The following PDZD2 variants were observed in gnomAD, a reference collection of about 807,000 sequenced individuals.
The protein encoded by PDZD2 is PDZ domain-containing protein 2.
Under a neutral mutation model 220.7 loss-of-function variants are expected in PDZD2, and 90 were observed. That is an observed-to-expected ratio of 0.41 (90% CI 0.34 to 0.49). PDZD2 has a LOEUF of 0.49. Ranked by LOEUF, PDZD2 falls within the 20% of genes least tolerant of loss-of-function variation. PDZD2 has a pLI of 0.28. For synonymous variants in PDZD2, 1,375 were observed against 1,450.5 expected (o/e 0.95, Z 1.18); for missense variants, 3,174 against 3,608.5 (o/e 0.88, Z 3.08).
Position 32,052,692 on chromosome 5 carries a change from G to A in PDZD2, c.1747G>A (p.Val583Ile), listed in dbSNP as rs749478209. The A allele has an allele frequency of 3.7e-6, 6 of 1,613,850 alleles. No homozygotes were observed. Among genetic ancestry groups the A allele is most frequent in the Middle Eastern group, 1.6e-4 (1 of 6,062 alleles). ...TCCTTGGAGGCTCATTCGGCCATCCGTCATCTCGATCATTGGGTTGTACAA... is the reference window on the plus strand; with the variant it reads ...TCCTTGGAGGCTCATTCGGCCATCCATCATCTCGATCATTGGGTTGTACAA... ...ESPWRLIRPS[V>I]ISIIGLYKEK... is the part of the protein sequence containing the mutation. The change falls in exon 9 of 25, where the codon GTC becomes ATC. Residue 583 changes from valine to isoleucine, a missense_variant. Physicochemically the swap from Val to Ile is conservative, Grantham distance 29 (BLOSUM62 3). Coordinates refer to ENST00000438447, the MANE Select transcript of PDZD2 (RefSeq NM_178140.4).
chr5:32,092,126 T>C (rs1002724826), intron 20 of PDZD2, among the ~76,000 whole-genome samples: 1 of 148,064 alleles, frequency 6.8e-6, no homozygotes, highest in Admixed American at 6.8e-5. Context: ...ATACAAAAAT[T>C]AGCTGGGGAT....
chr5:31,773,120 G>C (rs939912601), intron 1 of PDZD2, among the ~76,000 whole-genome samples: 2 of 152,172 alleles, frequency 1.3e-5, no homozygotes, highest in East Asian at 1.9e-4. Flanking sequence ...GTCAAAAGTC[G>C]TTGGTACAGG....
chr5:32,012,375 T>A (rs570884391), intron 6 of PDZD2, among the ~76,000 whole-genome samples: 7 of 152,228 alleles, frequency 4.6e-5, no homozygotes, highest in East Asian at 3.9e-4. Context: ...GCATATTTTT[T>A]AAAAAATTAT....
chr5:31,671,737 A>G (rs1189761343), intron 1 of PDZD2, among the ~76,000 whole-genome samples: 1 of 152,210 alleles, frequency 6.6e-6, no homozygotes, highest in Non-Finnish European at 1.5e-5. Context: ...AATTCGAGAA[A>G]CCAGAAAGCC....
chr5:31,899,953 A>G (rs13436325), intron 2 of PDZD2, among the ~76,000 whole-genome samples: 3,665 of 152,308 alleles, frequency 0.024, 161 homozygotes, highest in African/African-American at 0.083. Flanking sequence ...TAAGCCACCT[A>G]GTTTATAGTG....
chr5:31,815,150 C>T (rs1255445770), intron 2 of PDZD2, among the ~76,000 whole-genome samples: 2 of 146,260 alleles, frequency 1.4e-5, no homozygotes, highest in Admixed American at 7.1e-5. Flanking sequence ...GAGGCTGAGG[C>T]GAGAGAATCA....
At chr5:31,829,811 C>T (rs760872863) in intron 2 of PDZD2, among the ~76,000 whole-genome samples, 7 of 151,988 alleles carry the variant, frequency 4.6e-5, no homozygotes, top group East Asian at 2.0e-4. Context: ...CCAGCACTTT[C>T]GGAAGCCAAG....
intron 1 of PDZD2, among the ~76,000 whole-genome samples, chr5:31,716,208 A>C (rs1356808277): frequency 6.6e-6 from 1 of 152,144 alleles, no homozygotes; most frequent in Non-Finnish European, 1.5e-5. Flanking sequence ...GGAAGGAATG[A>C]GTTGTTAATT....
chr5:31,803,422 A>C (rs753655097), intron 2 of PDZD2, among the ~76,000 whole-genome samples: 1 of 151,582 alleles, frequency 6.6e-6, no homozygotes, highest in Non-Finnish European at 1.5e-5. Flanking sequence ...GGCTTTATTG[A>C]GGTTTTCATG....
At position 32,003,172 on chromosome 5, in the gene PDZD2, C is replaced by T. The variant is rs1276684907; in HGVS notation, c.1254+2901C>T. Reference sequence around the variant, plus strand: ...ACACACCACCAACACACACACCACACACCATACACCACACACACACTACAC... The same window carrying T: ...ACACACCACCAACACACACACCACATACCATACACCACACACACACTACAC... On this transcript the variant is annotated intron_variant, in intron 5 of 24. Coordinates refer to ENST00000438447, the MANE Select transcript of PDZD2 (RefSeq NM_178140.4). 3.2e-4 allele frequency among the ~76,000 whole-genome samples: 21 copies of T among 66,008 alleles called. 1 individual carries two copies. The highest frequency in any genetic ancestry group is 8.0e-4 in the Admixed American group (4 of 4,994). 43.3% of individuals were successfully genotyped at this position (66,008 alleles called of 152,430 possible). A position where few individuals can be genotyped will look rare whatever the true frequency, so the allele number is the denominator to read the frequency against.
chr5:31,691,147 C>T (rs1348365181), intron 1 of PDZD2, among the ~76,000 whole-genome samples: 1 of 152,142 alleles, frequency 6.6e-6, no homozygotes, highest in Non-Finnish European at 1.5e-5. Flanking sequence ...CGGATGCATT[C>T]GGAGTTTCTT....
At chr5:31,907,804 G>T (rs180750867) in intron 2 of PDZD2, among the ~76,000 whole-genome samples, 1 of 152,264 alleles carries the variant, frequency 6.6e-6, no homozygotes, top group East Asian at 1.9e-4. Flanking sequence ...GGATCAGGTG[G>T]CTGGGCCCGG....
At chr5:31,755,260 G>GT (rs1316493774) in intron 1 of PDZD2, among the ~76,000 whole-genome samples, 3 of 152,230 alleles carry the variant, frequency 2.0e-5, no homozygotes, top group Admixed American at 1.3e-4. Context: ...GTTTCTGGAT[G>GT]TTTTTTTGTT....
chr5:31,765,011 A>G (rs111929805), intron 1 of PDZD2, among the ~76,000 whole-genome samples: 16,705 of 151,908 alleles, frequency 0.11, 1,213 homozygotes, highest in Middle Eastern at 0.23. Context: ...CGGGAGGTGG[A>G]GTTTGCAGTG....
At chr5:31,901,896 C>T (rs917116400) in intron 2 of PDZD2, among the ~76,000 whole-genome samples, 6 of 152,316 alleles carry the variant, frequency 3.9e-5, no homozygotes, top group African/African-American at 1.4e-4. Flanking sequence ...TTTCACTTAG[C>T]ACATTTTCAG....
chr5:32,096,078 C>T (rs554194075), intron 21 of PDZD2, among the ~76,000 whole-genome samples: 1 of 152,132 alleles, frequency 6.6e-6, no homozygotes, highest in East Asian at 1.9e-4. Context: ...TCTCTTTGCT[C>T]CCATAAGACA....
intron 6 of PDZD2, among the ~76,000 whole-genome samples, chr5:32,028,798 T>C (rs1480329360): frequency 6.6e-6 from 1 of 151,838 alleles, no homozygotes; most frequent in Non-Finnish European, 1.5e-5. Context: ...TTCTCCTGCC[T>C]TAGCCTCCCG....
chr5:31,946,809 A>C (rs1746673537), intron 2 of PDZD2, among the ~76,000 whole-genome samples: 1 of 151,980 alleles, frequency 6.6e-6, no homozygotes. Context: ...CTCCCACCTT[A>C]TTTTCATTTG....
rs1291236548 is a variant in PDZD2 at position 31,846,561 on chromosome 5, C to G, written c.476+46837C>G. 3.9e-5 allele frequency among the ~76,000 whole-genome samples: 6 copies of G among 152,342 alleles called. No homozygotes were observed. The East Asian group carries it at 1.2e-3, about 29-fold the overall frequency. On this transcript the variant is annotated intron_variant, in intron 2 of 24. Coordinates refer to ENST00000438447, the MANE Select transcript of PDZD2 (RefSeq NM_178140.4). ...ACATTTACTGAATACCTTTTTAATT[C>G]TGGGCATCATGTTTCCATTAACTAC...
Sources: allele counts gnomAD v4.1 joint callset (sites outside exome capture counted in the v4.1 genomes callset), GRCh38; gene constraint gnomAD v4.1.1; transcripts MANE v1.5; gene names NCBI Gene and HGNC (gene_info 2026-07-23, HGNC 2026-07-21).